AIFM1: variants seen among roughly 807,000 people sequenced by gnomAD.
The protein encoded by AIFM1 is apoptosis inducing factor mitochondria associated 1, also known as apoptosis-inducing factor 1, mitochondrial.
Under a neutral mutation model 51.7 loss-of-function variants are expected in AIFM1, and 3 were observed. That is an observed-to-expected ratio of 0.06 (90% confidence interval 0.03 to 0.15). The LOEUF (loss-of-function observed/expected upper bound fraction) is 0.15. AIFM1 is among the 10% of genes least tolerant of loss of function. The pLI is 1.00. For synonymous variants in AIFM1, 178 were observed against 179.4 expected (o/e 0.99, Z 0.06); for missense variants, 330 against 476.8 (o/e 0.69, Z 2.87).
At chrX:130,157,424 G>A (rs764553649) in intron 1 of AIFM1, among the ~76,000 whole-genome samples, 16 of 111,828 alleles carry the variant, frequency 1.4e-4, no homozygotes, top group Admixed American at 7.6e-4. Context: ...ATTACTCCTC[G>A]TGTTTGTTGA....
At position 130,165,605 on chromosome X, in the gene AIFM1, G is replaced by A; in HGVS notation, c.52C>T (p.Pro18Ser). 2 of 1,203,477 alleles carry A rather than the reference G, an allele frequency of 1.7e-6. No individual in the cohort carries two copies. Among genetic ancestry groups the A allele is most frequent in the Admixed American group, 2.2e-5 (1 of 45,367 alleles). The change falls in exon 1 of 16, where the codon CCC (proline) becomes TCC (serine). Residue 18 changes from proline (P) to serine (S), a missense_variant. Pro to Ser is a moderately conservative substitution (Grantham distance 74). Transcript: ENST00000287295. ...AAGALKQKLV[P>S]LVRTVCVRSP... The stretch of plus-strand genomic sequence containing the variant: ...CGGACGCACACGGTCCGCACCAAGG[G>A]CACCAGCTTCTGCTTCAAAGCACCC...
chrX:130,145,399 G>A lies in AIFM1; in HGVS notation c.696+80C>T. 1.7e-5 allele frequency: 13 copies of A among 748,986 alleles called. No individual in the cohort carries two copies. The South Asian group carries it at 2.7e-4, about 16-fold the overall frequency. 61.7% of individuals were successfully genotyped at this position (748,986 alleles called of 1,213,427 possible). A position where few individuals can be genotyped will look rare whatever the true frequency, so the allele number is the denominator to read the frequency against. The stretch of plus-strand genomic sequence containing the variant: ...CTACAATGGCAGGACAGACATAAAT[G>A]GTAATGGAAACACACATCACCATAC... On this transcript the variant is annotated intron_variant, in intron 6 of 15. Transcript: ENST00000287295.
intron 2 of AIFM1, 71 bp from the exon 3 acceptor site, chrX:130,149,639 T>C: frequency 1.3e-6 from 1 of 767,617 alleles, no homozygotes; most frequent in Non-Finnish European, 2.0e-6. Flanking sequence ...ATATTATCTT[T>C]CAATTAAATG....
At chrX:130,158,280 GAAAAAGA>G (rs957615254) in intron 1 of AIFM1, among the ~76,000 whole-genome samples, 1 of 111,245 alleles carries the variant, frequency 9.0e-6, no homozygotes, top group African/African-American at 3.3e-5. Context: ...AAAAAAAAGA[GAAAAAGA>G]AAAAAGAAAA....
intron 12 of AIFM1, 79 bp from the exon 13 acceptor site, chrX:130,133,534 G>A: frequency 9.0e-7 from 1 of 1,116,530 alleles, no homozygotes; most frequent in East Asian, 3.0e-5. Context: ...AACTTTGGGG[G>A]CTCAAAGAAC....
chrX:130,136,836 G>C, intron 10 of AIFM1, 105 bp from the exon 11 acceptor site: 1 of 1,023,013 alleles, frequency 9.8e-7, no homozygotes, highest in African/African-American at 1.8e-5. Flanking sequence ...CCAATTATCA[G>C]TACACAGGCA....
chrX:130,131,106 GAC>G (rs1386965613), intron 14 of AIFM1, among the ~76,000 whole-genome samples: 4 of 111,794 alleles, frequency 3.6e-5, no homozygotes, highest in Non-Finnish European at 7.5e-5. Context: ...TAATGAAAGA[GAC>G]ATGTGTGGGA....
intron 1 of AIFM1, among the ~76,000 whole-genome samples, chrX:130,161,555 T>C (rs2031353329): frequency 9.4e-6 from 1 of 106,755 alleles, no homozygotes; most frequent in Non-Finnish European, 1.9e-5. Context: ...CTAGATAGTC[T>C]GTCCATTGTA....
At chrX:130,130,388 G>T (rs1342286109) in intron 14 of AIFM1, among the ~76,000 whole-genome samples, 2 of 111,349 alleles carry the variant, frequency 1.8e-5, no homozygotes, top group African/African-American at 6.5e-5. Context: ...CTGGGCACAG[G>T]GTCAGTCTGA....
rs950285561 is a variant in AIFM1 at position 130,131,980 on chromosome X, C to T, written c.1449-181G>A. ...CTCTCCCTCCTGGGTTCAAGTGATTCTCCAGCCTCAGCCTCCTGAGTAGCT... is the reference window on the plus strand; with the variant it reads ...CTCTCCCTCCTGGGTTCAAGTGATTTTCCAGCCTCAGCCTCCTGAGTAGCT... On this transcript the variant is annotated intron_variant, in intron 13 of 15. Transcript: ENST00000287295. 6.3e-5 allele frequency among the ~76,000 whole-genome samples: 7 copies of T among 111,080 alleles called. No homozygotes were observed. In the Admixed American group the frequency reaches 6.7e-4, roughly 11 times the overall value.
chrX:130,158,236 A>G (rs2031234565), intron 1 of AIFM1, among the ~76,000 whole-genome samples: 1 of 111,196 alleles, frequency 9.0e-6, no homozygotes, highest in Non-Finnish European at 1.9e-5. Flanking sequence ...CGCACTCCAG[A>G]CTGGGCAACG....
At chrX:130,140,734 T>G in intron 6 of AIFM1, 117 bp from the exon 7 acceptor site, 2 of 575,585 alleles carry the variant, frequency 3.5e-6, no homozygotes, top group Non-Finnish European at 5.8e-6. Context: ...TCTGTGGATT[T>G]CAGTATATTC....
intron 12 of AIFM1, among the ~76,000 whole-genome samples, chrX:130,135,587 T>C (rs4145033): frequency 9.0e-6 from 1 of 110,879 alleles, no homozygotes; most frequent in Non-Finnish European, 1.9e-5. Context: ...ACTATAGTCT[T>C]GTTTATGTCA....
intron 12 of AIFM1, 108 bp downstream of exon 12, chrX:130,135,937 C>G (rs182518449): frequency 2.0e-5 from 21 of 1,046,263 alleles, no homozygotes; most frequent in Non-Finnish European, 2.7e-5. Context: ...TCCAAACACT[C>G]TGACCCTATT....
chrX:130,162,733 C>T (rs209543), intron 1 of AIFM1, among the ~76,000 whole-genome samples: 54,766 of 110,326 alleles, frequency 0.5, 10,606 homozygotes, highest in African/African-American at 0.71. Flanking sequence ...TAGAGAAAAA[C>T]GTTCAAACAT....
In AIFM1 at chrX:130,129,364, T is replaced by G; in HGVS notation, c.*193A>C. 1 of 456,795 alleles carries G rather than the reference T, an allele frequency of 2.2e-6. No homozygotes were observed. Among genetic ancestry groups the G allele is most frequent in the Non-Finnish European group, 3.9e-6 (1 of 259,695 alleles). The allele number at this position is 456,795 out of a possible 1,213,427, so 37.6% of individuals were successfully genotyped here. On this transcript the variant is annotated 3_prime_UTR_variant, in exon 16 of 16. Transcript: ENST00000287295. ...GCCCCCTTGACAAGAGAACAGAATT[T>G]AATTTAGAAGAATCAGAATTTATTT... is the stretch of plus-strand genomic sequence containing the variant.
chrX:130,131,566 G>C, intron 14 of AIFM1, 109 bp downstream of exon 14: 2 of 1,065,678 alleles, frequency 1.9e-6, no homozygotes, highest in Non-Finnish European at 2.6e-6. Context: ...AACATGAAGA[G>C]AGGCTTTCAC....
chrX:130,136,246 T>TA (rs1569417194), intron 11 of AIFM1, 61 bp from the exon 12 acceptor site: 3 of 1,149,016 alleles, frequency 2.6e-6, no homozygotes, highest in Non-Finnish European at 3.6e-6. Context: ...CCTACAGGCG[T>TA]AACAATGGCC....
At position 130,147,892 on chromosome X, in the gene AIFM1, C is replaced by A; in HGVS notation, c.350-16G>T. On this transcript the variant is annotated splice_polypyrimidine_tract_variant and intron_variant, in intron 3 of 15. Coordinates refer to ENST00000287295, the MANE Select transcript of AIFM1 (RefSeq NM_004208.4). ...CCTTCTGAAGCTGAAAGCAACAGAA[C>A]AGACTGGATGAATCTTCTTGAAGTC... The A allele has an allele frequency of 3.3e-6, 4 of 1,211,055 alleles. No homozygotes were observed. Among genetic ancestry groups the A allele is most frequent in the Non-Finnish European group, 4.5e-6 (4 of 895,020 alleles).
Sources: gnomAD v4.1 joint callset for allele counts (sites outside exome capture counted in the v4.1 genomes callset) on GRCh38, gnomAD v4.1.1 for gene constraint, MANE v1.5 for transcripts, NCBI Gene and HGNC (gene_info 2026-07-23, HGNC 2026-07-21) for gene names.